The following OR9Q1 variants were observed in gnomAD, a reference collection of about 807,000 sequenced individuals.
OR9Q1 encodes olfactory receptor family 9 subfamily Q member 1, also known as olfactory receptor 9Q1.
For synonymous variants in OR9Q1, 153 were observed against 148.6 expected, an observed-to-expected ratio of 1.03 and a Z score of -0.22; for missense variants, 374 against 378.8, an observed-to-expected ratio of 0.99 and a Z score of 0.11.
chr11:58,145,675 G>T (rs1032627321), intron 2 of OR9Q1, among the ~76,000 whole-genome samples: 1 of 152,186 alleles, frequency 6.6e-6, no homozygotes, highest in African/African-American at 2.4e-5. Flanking sequence ...CCAGGATCAA[G>T]GGAGAGGGAA....
chr11:58,131,465 T>C (rs1407405284), intron 2 of OR9Q1, among the ~76,000 whole-genome samples: 1 of 152,118 alleles, frequency 6.6e-6, no homozygotes, highest in African/African-American at 2.4e-5. Flanking sequence ...TAATTGCCTA[T>C]CTGTTAAGAT....
chr11:58,042,621 C>T (rs1355420227), intron 1 of OR9Q1, among the ~76,000 whole-genome samples: 13 of 149,992 alleles, frequency 8.7e-5, no homozygotes, highest in African/African-American at 2.4e-4. Context: ...ATTGACTTGG[C>T]GATGCGGGCT....
intron 2 of OR9Q1, among the ~76,000 whole-genome samples, chr11:58,087,087 A>G (rs1853640791): frequency 6.6e-6 from 1 of 151,878 alleles, no homozygotes. Flanking sequence ...AACATGTATC[A>G]AAACACCACA....
At chr11:58,113,898 T>A (rs908994870) in intron 2 of OR9Q1, among the ~76,000 whole-genome samples, 3 of 152,188 alleles carry the variant, frequency 2.0e-5, no homozygotes, top group African/African-American at 7.2e-5. Context: ...ATTATAGAAT[T>A]TACATTACCT....
chr11:58,140,073 A>C (rs1270891899), intron 2 of OR9Q1, among the ~76,000 whole-genome samples: 2 of 152,138 alleles, frequency 1.3e-5, no homozygotes, highest in Non-Finnish European at 2.9e-5. Context: ...TTTTGGCTGC[A>C]TAAATGTCTT....
rs35079058 is a variant in OR9Q1, at chr11:58,048,696, T to TATATATATATA, written c.-92-7174_-92-7173insATATATATATA. Among the ~76,000 whole-genome samples the TATATATATATA allele has an allele frequency of 4.4e-3, 559 of 127,506 alleles. 3 individuals are homozygous for TATATATATATA. Among genetic ancestry groups the TATATATATATA allele is most frequent in the South Asian group, 0.02 (71 of 3,490 alleles). 83.6% of individuals were successfully genotyped at this position (127,506 alleles called of 152,430 possible). ...AAAAAAAAAATATATATATATATAT[T>TATATATATATA]TTTTAGCAAGACTAATAAAAAAAGA... On this transcript the variant is annotated intron_variant, in intron 1 of 2. Coordinates refer to ENST00000335397, the MANE Select transcript of OR9Q1 (RefSeq NM_001005212.4).
chr11:58,078,462 C>T (rs1226746960), intron 2 of OR9Q1: 1 of 152,208 alleles, frequency 6.6e-6, no homozygotes, highest in Non-Finnish European at 1.5e-5. Flanking sequence ...TGCACATTCA[C>T]TTGGGTCAGA....
Position 58,173,795 on chromosome 11 carries a change from G to A in OR9Q1, c.-14-5636G>A, listed in dbSNP as rs569760742. On this transcript the variant is annotated intron_variant, in intron 2 of 2. Coordinates refer to ENST00000335397, the MANE Select transcript of OR9Q1 (RefSeq NM_001005212.4). ...TGCCTGCCGTTCTTCCTGTTTTCTA[G>A]TGGGAGCATTTATTGTGGTTATTCT... 2.0e-5 allele frequency among the ~76,000 whole-genome samples: 3 copies of A among 152,258 alleles called. No homozygotes were observed. The South Asian group carries it at 6.2e-4, about 32-fold the overall frequency.
chr11:58,031,433 A>C, intron 1 of OR9Q1: 1 of 1,614,136 alleles, frequency 6.2e-7, no homozygotes, highest in Non-Finnish European at 8.5e-7. Flanking sequence ...CCTCACACCC[A>C]TCTTGCCAAT....
At chr11:58,108,895 G>A in intron 2 of OR9Q1, 1 of 359,538 alleles carries the variant, frequency 2.8e-6, no homozygotes, top group Non-Finnish European at 5.5e-6. Context: ...GTACATGAAG[G>A]CAAGTGTCCC....
intron 1 of OR9Q1, among the ~76,000 whole-genome samples, chr11:58,039,528 G>A (rs1472684103): frequency 6.6e-6 from 1 of 152,178 alleles, no homozygotes; most frequent in Non-Finnish European, 1.5e-5. Context: ...TTAATCAGTT[G>A]ATGCCCAGTA....
chr11:58,164,848 G>A (rs1413898071), intron 2 of OR9Q1, among the ~76,000 whole-genome samples: 1 of 152,092 alleles, frequency 6.6e-6, no homozygotes, highest in African/African-American at 2.4e-5. Context: ...AACACACCAG[G>A]CATGGTCTCG....
At chr11:58,077,265 GCTACTGGGGAAGT>G (rs1477666787) in intron 2 of OR9Q1, 2 of 152,170 alleles carry the variant, frequency 1.3e-5, no homozygotes, top group African/African-American at 4.8e-5. Context: ...TTGTCAAGGA[GCTACTGGGGAAGT>G]CACATCCTGC....
At chr11:58,162,995 GC>G (rs1854470065) in intron 2 of OR9Q1, among the ~76,000 whole-genome samples, 1 of 152,152 alleles carries the variant, frequency 6.6e-6, no homozygotes, top group Non-Finnish European at 1.5e-5. Context: ...TGAGAGAGAA[GC>G]TTTGTTTGGA....
chr11:58,120,960 A>G (rs1447526350), intron 2 of OR9Q1, among the ~76,000 whole-genome samples: 1 of 151,816 alleles, frequency 6.6e-6, no homozygotes, highest in East Asian at 1.9e-4. Flanking sequence ...TCCCATTCAT[A>G]TGGGAATGCT....
At chr11:58,037,689 A>ATATATATATATAGT (rs1853119570) in intron 1 of OR9Q1, among the ~76,000 whole-genome samples, 2 of 6,994 alleles carry the variant, frequency 2.9e-4, no homozygotes, top group Non-Finnish European at 5.3e-4. Flanking sequence ...ATATATATAT[A>ATATATATATATAGT]TTTTTTTTTT....
intron 1 of OR9Q1, chr11:58,032,031 C>T (rs1853046569): frequency 3.3e-6 from 2 of 601,104 alleles, no homozygotes; most frequent in South Asian, 2.2e-5. Context: ...AATACAATAC[C>T]TAGGAATACA....
At position 58,181,088 on chromosome 11, in the gene OR9Q1, C is replaced by G. The variant is rs936422621; in HGVS notation, c.*711C>G. 6.0e-6 allele frequency: 1 copy of G among 167,050 alleles called. No individual in the cohort carries two copies. The highest frequency in any genetic ancestry group is 1.5e-5 in the Non-Finnish European group (1 of 68,128). 10.3% of individuals were successfully genotyped at this position (167,050 alleles called of 1,614,324 possible). ...GCCTCACACAAACTTTTAACAATGC[C>G]TACAATAACATGTCTGTCAATTGCT... On this transcript the variant is annotated 3_prime_UTR_variant, in exon 3 of 3. Transcript: ENST00000335397.
At chr11:58,092,486 ATTG>A (rs1426690469) in intron 2 of OR9Q1, among the ~76,000 whole-genome samples, 1 of 152,074 alleles carries the variant, frequency 6.6e-6, no homozygotes. Context: ...TGAAAAAATG[ATTG>A]TTGCTATCAA....
Sources: allele counts gnomAD v4.1 joint callset (sites outside exome capture counted in the v4.1 genomes callset), GRCh38; gene constraint gnomAD v4.1.1; transcripts MANE v1.5; gene names NCBI Gene and HGNC (gene_info 2026-07-23, HGNC 2026-07-21).